Variants in RUFY2 observed in about 807,000 individuals in gnomAD.
The protein encoded by RUFY2 is RUN and FYVE domain containing 2, also known as RUN and FYVE domain-containing protein 2.
A neutral mutation model predicts 94.4 loss-of-function variants in RUFY2; 49 were observed. That is an observed-to-expected ratio of 0.52 (90% CI 0.41 to 0.66). RUFY2 has a LOEUF of 0.66. RUFY2 is among the 30% of genes least tolerant of loss of function. The pLI is 0.00. For synonymous variants in RUFY2, 255 were observed against 235.7 expected (o/e 1.08, Z -0.75); for missense variants, 541 against 692.8 (o/e 0.78, Z 2.46).
At chr10:68,371,235 G>C (rs576830687) in intron 13 of RUFY2, among the ~76,000 whole-genome samples, 2 of 151,234 alleles carry the variant, frequency 1.3e-5, no homozygotes, top group African/African-American at 2.4e-5. Flanking sequence ...AACTGGCTAA[G>C]ATGGTGAAAC....
Position 68,376,898 on chromosome 10 carries a change from T to A in RUFY2, c.1280A>T (p.Lys427Ile), listed in dbSNP as rs1298988643. The A allele has an allele frequency of 6.2e-7, 1 of 1,613,726 alleles. No individual in the cohort carries two copies. The highest frequency in any genetic ancestry group is 8.5e-7 in the Non-Finnish European group (1 of 1,179,912). ...GATTTGTTTCTGCAGACTATCAGAT[T>A]TACTGAGACATTCTTGTAGATATTT... Reference protein sequence around the residue: ...DEKYLQECLSKSDSLQKQISQ... With the variant: ...DEKYLQECLSISDSLQKQISQ... The change falls in exon 13 of 18, where the codon AAA (lysine) becomes ATA (isoleucine). Residue 427 changes from lysine (K) to isoleucine (I), a missense_variant. By Grantham distance (102) the Lys-to-Ile change is moderately radical. Around this residue, in one of 3 missense-constraint regions of RUFY2, gnomAD observed 403 missense variants for 480.7 expected, o/e 0.84. Transcript: ENST00000602465.
Position 68,389,206 on chromosome 10 carries a change from A to G in RUFY2, c.651-3078T>C, listed in dbSNP as rs542788491. On this transcript the variant is annotated intron_variant, in intron 7 of 17. Coordinates refer to ENST00000602465, the MANE Select transcript of RUFY2 (RefSeq NM_001330103.2). ...GCGCCACTGAGCCCGGTGCAATGAA[A>G]CATTTATAAAACATAAGGTATACAA... Among the ~76,000 whole-genome samples, 119 of 152,328 alleles carry G rather than the reference A, an allele frequency of 7.8e-4. 5 individuals are homozygous for G. In the South Asian group the frequency reaches 0.024, roughly 31 times the overall value.
intron 4 of RUFY2, among the ~76,000 whole-genome samples, chr10:68,395,628 AAG>A (rs1323781903): frequency 2.0e-5 from 3 of 152,244 alleles, no homozygotes; most frequent in African/African-American, 2.4e-5. Flanking sequence ...ACTGTTGAAA[AAG>A]AGAGTTGTGA....
intron 3 of RUFY2, 122 bp downstream of exon 3, chr10:68,401,498 A>G (rs1401722423): frequency 1.6e-6 from 1 of 636,096 alleles, no homozygotes; most frequent in Non-Finnish European, 2.9e-6. Context: ...TTTTATTATA[A>G]GAGGATTAGA....
At chr10:68,386,167 C>T (rs373427312) in intron 7 of RUFY2, 39 bp from the exon 8 acceptor site, 15 of 1,559,984 alleles carry the variant, frequency 9.6e-6, no homozygotes, top group Middle Eastern at 1.7e-4. Context: ...CAAAATCACA[C>T]GAACTCAAAA....
chr10:68,386,818 G>A (rs2049538276), intron 7 of RUFY2, among the ~76,000 whole-genome samples: 1 of 152,032 alleles, frequency 6.6e-6, no homozygotes, highest in African/African-American at 2.4e-5. Context: ...TATAAACAAT[G>A]GTCTTTAATT....
At chr10:68,367,979 T>A (rs568641309) in intron 13 of RUFY2, among the ~76,000 whole-genome samples, 1 of 151,462 alleles carries the variant, frequency 6.6e-6, no homozygotes, top group South Asian at 2.1e-4. Context: ...TTTTTTTTTT[T>A]TTTTGAGACG....
chr10:68,376,818 A>G, intron 13 of RUFY2, 35 bp downstream of exon 13: 1 of 1,595,222 alleles, frequency 6.3e-7, no homozygotes, highest in Non-Finnish European at 8.6e-7. Flanking sequence ...GGTTATGTTA[A>G]CACAAGTATT....
intron 2 of RUFY2, 51 bp downstream of exon 2, chr10:68,404,620 T>C (rs1436877427): frequency 7.2e-7 from 1 of 1,392,826 alleles, no homozygotes; most frequent in East Asian, 2.6e-5. Context: ...TCAAGGGCAC[T>C]TGAAAAACGG....
intron 13 of RUFY2, among the ~76,000 whole-genome samples, chr10:68,373,143 G>C (rs1232558343): frequency 3.3e-5 from 5 of 152,140 alleles, no homozygotes; most frequent in Non-Finnish European, 1.5e-5. Context: ...ATAGAGGTAA[G>C]GTTTTCACAC....
At chr10:68,355,514 G>T in intron 15 of RUFY2, 113 bp from the exon 16 acceptor site, 2 of 590,136 alleles carry the variant, frequency 3.4e-6, no homozygotes, top group Admixed American at 3.4e-5. Flanking sequence ...TATAGTATAT[G>T]ATTTTTATGG....
chr10:68,376,765 TA>T, intron 13 of RUFY2, 87 bp downstream of exon 13: 2 of 1,293,692 alleles, frequency 1.5e-6, no homozygotes, highest in Non-Finnish European at 2.2e-6. Flanking sequence ...ATTAGATAAA[TA>T]AAAATATTGG....
intron 6 of RUFY2, chr10:68,393,780 T>C: frequency 5.5e-6 from 2 of 360,792 alleles, no homozygotes; most frequent in Non-Finnish European, 9.7e-6. Flanking sequence ...TTTGCAAACT[T>C]GTGAATAATA....
At chr10:68,353,827 T>A (rs1395155741) in intron 16 of RUFY2, among the ~76,000 whole-genome samples, 1 of 151,252 alleles carries the variant, frequency 6.6e-6, no homozygotes, top group Non-Finnish European at 1.5e-5. Context: ...ATAACATAAA[T>A]AAAAAATATA....
chr10:68,364,172 G>A (rs569796199), intron 13 of RUFY2, 59 bp from the exon 14 acceptor site: 29 of 1,496,694 alleles, frequency 1.9e-5, no homozygotes, highest in African/African-American at 2.8e-5. Flanking sequence ...CAGTTGTTAT[G>A]TATTCTTTAC....
rs757278852 is a variant in RUFY2, at chr10:68,384,093, A to G, written c.780T>C (p.Ser260=). The change falls in exon 9 of 18, where the codon AGT becomes AGC. Residue 260 remains serine (S), a synonymous_variant. Coordinates refer to ENST00000602465, the MANE Select transcript of RUFY2 (RefSeq NM_001330103.2). Reference sequence around the variant, plus strand: ...TTTTCATTAAAATCAATTTATTTTCACTTCGTAATTGATGATTTTCTTCCT... The same window carrying G: ...TTTTCATTAAAATCAATTTATTTTCGCTTCGTAATTGATGATTTTCTTCCT... ...KLQEENHQLR[S]ENKLILMKTQ... is the part of the protein sequence containing the mutation. The G allele has an allele frequency of 6.2e-7, 1 of 1,612,866 alleles. No homozygotes were observed.
chr10:68,366,759 T>TATATATATATATATATATATATATAA lies in RUFY2; in HGVS notation c.1326-2647_1326-2646insTTATATATATATATATATATATATAT, dbSNP rs1235098742. Among the ~76,000 whole-genome samples, 273 of 131,710 alleles carry TATATATATATATATATATATATATAA rather than the reference T, an allele frequency of 2.1e-3. 2 individuals are homozygous for TATATATATATATATATATATATATAA. Among genetic ancestry groups the TATATATATATATATATATATATATAA allele is most frequent in the South Asian group, 6.1e-3 (25 of 4,086 alleles). The allele number at this position is 131,710 out of a possible 152,430, so 86.4% of individuals were successfully genotyped here. A position where few individuals can be genotyped will look rare whatever the true frequency, so the allele number is the denominator to read the frequency against. ...TCTAAAATATATATATATATATATA[T>TATATATATATATATATATATATATAA]AATATTAAATATATTAAATAAATAA... On this transcript the variant is annotated intron_variant, in intron 13 of 17. Transcript: ENST00000602465.
At position 68,381,357 on chromosome 10, in the gene RUFY2, C is replaced by T; in HGVS notation, c.982G>A (p.Glu328Lys). Residue 328 changes from glutamate to lysine, a missense_variant, in exon 11 of 18, where the codon GAG (glutamate) becomes AAG (lysine). Around this residue, in one of 3 missense-constraint regions of RUFY2, gnomAD observed 403 missense variants for 480.7 expected, o/e 0.84. Coordinates refer to ENST00000602465, the MANE Select transcript of RUFY2 (RefSeq NM_001330103.2). Reference protein sequence around the residue: ...ELAVQVSMKHEIELAMKLLEK... With the variant: ...ELAVQVSMKHKIELAMKLLEK... ...AGCAACTTCATGGCAAGTTCAATCT[C>T]ATGCTTCATACTAACTTGTACTGCT... The T allele has an allele frequency of 6.2e-7, 1 of 1,614,070 alleles. No homozygotes were observed. The highest frequency in any genetic ancestry group is 8.5e-7 in the Non-Finnish European group (1 of 1,179,986).
chr10:68,380,879 G>A lies in RUFY2; in HGVS notation c.1107+353C>T, dbSNP rs535299692. ...TCCATCTCAAAAAAAAACAAAGAAAGAAAATTTACTATTTTGATAGTGTAG... is the reference window on the plus strand; with the variant it reads ...TCCATCTCAAAAAAAAACAAAGAAAAAAAATTTACTATTTTGATAGTGTAG... On this transcript the variant is annotated intron_variant, in intron 11 of 17. Coordinates refer to ENST00000602465, the MANE Select transcript of RUFY2 (RefSeq NM_001330103.2). Among the ~76,000 whole-genome samples, 3 of 151,962 alleles carry A rather than the reference G, an allele frequency of 2.0e-5. No individual in the cohort carries two copies. In the East Asian group the frequency reaches 5.8e-4, roughly 29 times the overall value.
Sources: allele counts gnomAD v4.1 joint callset (sites outside exome capture counted in the v4.1 genomes callset), GRCh38; gene constraint gnomAD v4.1.1; regional missense constraint gnomAD v4.1.1; transcripts MANE v1.5; gene names NCBI Gene and HGNC (gene_info 2026-07-23, HGNC 2026-07-21).